The following VCAM1 variants were observed in gnomAD, a reference collection of about 807,000 sequenced individuals.
VCAM1 encodes the protein vascular cell adhesion protein 1.
In VCAM1, 41 loss-of-function variants were observed where a neutral mutation model predicts 63.8. The observed-to-expected ratio is 0.64, with a 90% confidence interval of 0.50 to 0.83. VCAM1 has a LOEUF of 0.83. VCAM1 is among the 40% of genes least tolerant of loss of function. The pLI is 0.00. For missense variants in VCAM1, 798 were observed against 875.5 expected (o/e 0.91, Z 1.12); for synonymous variants, 338 against 320.7 (o/e 1.05, Z -0.58).
At position 100,732,570 on chromosome 1, in the gene VCAM1, G is replaced by A; in HGVS notation, c.1678G>A (p.Glu560Lys). The change falls in exon 7 of 9, where the codon GAG becomes AAG. Residue 560 changes from glutamate to lysine, a missense_variant. Physicochemically the swap from Glu to Lys is moderately conservative, Grantham distance 56. Coordinates refer to ENST00000294728, the MANE Select transcript of VCAM1 (RefSeq NM_001078.4). ...LPNGELQPLS[E>K]NATLTLISTK... ...TAACGGGGAGCTACAGCCTCTTTCTGAGAATGCAACTCTCACCTTAATTTC... is the reference window on the plus strand; with the variant it reads ...TAACGGGGAGCTACAGCCTCTTTCTAAGAATGCAACTCTCACCTTAATTTC... The A allele has an allele frequency of 6.2e-7, 1 of 1,613,426 alleles. No homozygotes were observed. Among genetic ancestry groups the A allele is most frequent in the Non-Finnish European group, 8.5e-7 (1 of 1,179,726 alleles).
chr1:100,734,825 A>C (rs1660592199), intron 8 of VCAM1, 57 bp downstream of exon 8: 1 of 1,563,952 alleles, frequency 6.4e-7, no homozygotes, highest in Non-Finnish European at 8.6e-7. Context: ...TCCAAGGATT[A>C]CTAAGAGTTT....
At chr1:100,732,063 G>A (rs1204775681) in intron 6 of VCAM1, among the ~76,000 whole-genome samples, 1 of 152,134 alleles carries the variant, frequency 6.6e-6, no homozygotes, top group Non-Finnish European at 1.5e-5. Flanking sequence ...AGAGATTCAA[G>A]GGGTGGAAAA....
chr1:100,738,354 T>C lies in VCAM1; in HGVS notation c.*71T>C. The C allele has an allele frequency of 2.0e-6, 3 of 1,491,584 alleles. No homozygotes were observed. In the Admixed American group the frequency reaches 6.2e-5, roughly 31 times the overall value. The allele number at this position is 1,491,584 out of a possible 1,614,324, so 92.4% of individuals were successfully genotyped here. On this transcript the variant is annotated 3_prime_UTR_variant, in exon 9 of 9. Transcript: ENST00000294728. Reference sequence around the variant, plus strand: ...ATCCTTGATACTGCTCATCATTCCTTGAGAAAAACAATGAGCTGAGAGGCA... The same window carrying C: ...ATCCTTGATACTGCTCATCATTCCTCGAGAAAAACAATGAGCTGAGAGGCA...
rs1358677281 is a variant in VCAM1, at chr1:100,736,199, G to A, written c.2059+1431G>A. The A allele has an allele frequency of 2.0e-5, 3 of 152,070 alleles. No homozygotes were observed. The East Asian group carries it at 5.8e-4, about 29-fold the overall frequency. The allele number at this position is 152,070 out of a possible 1,614,324, so 9.4% of individuals were successfully genotyped here. ...ATTTTCTAATTGCTTTATCAAATTA[G>A]CCACTTACACAGTTGCTACTTTTTA... On this transcript the variant is annotated intron_variant, in intron 8 of 8. Transcript: ENST00000294728.
chr1:100,728,956 T>C (rs1571457951), intron 4 of VCAM1, 151 bp from the exon 5 acceptor site: 3 of 866,810 alleles, frequency 3.5e-6, no homozygotes, highest in East Asian at 3.0e-5. Flanking sequence ...GGCTCATTTC[T>C]GATGGTCCCA....
chr1:100,733,717 A>G (rs2100834110), intron 7 of VCAM1, among the ~76,000 whole-genome samples: 1 of 152,328 alleles, frequency 6.6e-6, no homozygotes, highest in African/African-American at 2.4e-5. Context: ...TAGTATTGTT[A>G]AGGATAGTGA....
intron 8 of VCAM1, chr1:100,736,758 A>G (rs971078700): frequency 2.0e-5 from 3 of 152,162 alleles, no homozygotes; most frequent in Admixed American, 6.5e-5. Context: ...GACAATTATC[A>G]TTATGCTTAG....
chr1:100,735,727 A>ATT (rs1660627356), intron 8 of VCAM1: 2 of 152,226 alleles, frequency 1.3e-5, no homozygotes, highest in African/African-American at 4.8e-5. Flanking sequence ...TCAAAACATG[A>ATT]GAATAGCTGT....
chr1:100,727,878 G>C (rs1660230875), intron 4 of VCAM1, among the ~76,000 whole-genome samples: 1 of 152,026 alleles, frequency 6.6e-6, no homozygotes, highest in African/African-American at 2.4e-5. Flanking sequence ...GTCATAATTA[G>C]ACAAACCTAT....
intron 3 of VCAM1, among the ~76,000 whole-genome samples, chr1:100,724,112 T>C (rs1284508418): frequency 6.6e-6 from 1 of 152,076 alleles, no homozygotes; most frequent in African/African-American, 2.4e-5. Flanking sequence ...AATTAAGCAT[T>C]TGAAAGACAG....
At chr1:100,725,643 A>G (rs1003212237) in intron 4 of VCAM1, among the ~76,000 whole-genome samples, 2 of 152,118 alleles carry the variant, frequency 1.3e-5, no homozygotes, top group Non-Finnish European at 2.9e-5. Context: ...CAGGCTCAGC[A>G]TAGTTCATAC....
rs530236545 is a variant in VCAM1 at position 100,733,877 on chromosome 1, C to G, written c.1793-625C>G. ...TATTTCACATCTGAATTCTATAGCT[C>G]TTTATCAAACACTGTATTTGTCAAT... On this transcript the variant is annotated intron_variant, in intron 7 of 8. Coordinates refer to ENST00000294728, the MANE Select transcript of VCAM1 (RefSeq NM_001078.4). 2.0e-5 allele frequency among the ~76,000 whole-genome samples: 3 copies of G among 152,284 alleles called. No homozygotes were observed. The East Asian group carries it at 5.8e-4, about 29-fold the overall frequency.
At chr1:100,732,902 A>G (rs1328650449) in intron 7 of VCAM1, among the ~76,000 whole-genome samples, 2 of 152,210 alleles carry the variant, frequency 1.3e-5, no homozygotes, top group Non-Finnish European at 2.9e-5. Flanking sequence ...TTTAAACTCA[A>G]GTGAAATGCA....
At chr1:100,729,408 T>TC (rs749729449) in intron 5 of VCAM1, 26 bp downstream of exon 5, 1 of 1,444,924 alleles carries the variant, frequency 6.9e-7, no homozygotes, top group East Asian at 2.5e-5. Context: ...AATTGTTTAC[T>TC]GTTTTTTTTT....
chr1:100,734,590 T>A lies in VCAM1; in HGVS notation c.1881T>A (p.Asn627Lys), dbSNP rs183791313. ...DTVIISCTCG[N>K]VPETWIILKK... ...TCATCATCTCTTGTACATGTGGAAATGTTCCAGAAACATGGATAATCCTGA... is the reference window on the plus strand; with the variant it reads ...TCATCATCTCTTGTACATGTGGAAAAGTTCCAGAAACATGGATAATCCTGA... Residue 627 changes from asparagine (N) to lysine (K), a missense_variant, in exon 8 of 9, where the codon AAT (asparagine) becomes AAA (lysine). Physicochemically the swap from Asn to Lys is moderately conservative, Grantham distance 94. Transcript: ENST00000294728. 5.3e-4 allele frequency: 859 copies of A among 1,613,916 alleles called. No homozygotes were observed. Among genetic ancestry groups the A allele is most frequent in the Non-Finnish European group, 6.9e-4 (814 of 1,179,886 alleles).
In VCAM1 at chr1:100,723,117, C is replaced by T. The variant is rs1236829287; in HGVS notation, c.438C>T (p.Asp146=). ...KCSVADVYPF[D]RLEIDLLKGD... is the part of the protein sequence containing the mutation. ...CAGTTGCTGATGTATACCCATTTGA[C>T]AGGCTGGAGATAGACTTACTGAAAG... is the stretch of plus-strand genomic sequence containing the variant. The change falls in exon 3 of 9, where the codon GAC becomes GAT. Residue 146 remains aspartate (D), a synonymous_variant. Coordinates refer to ENST00000294728, the MANE Select transcript of VCAM1 (RefSeq NM_001078.4). 6.2e-7 allele frequency: 1 copy of T among 1,613,058 alleles called. No individual in the cohort carries two copies. Among genetic ancestry groups the T allele is most frequent in the South Asian group, 1.1e-5 (1 of 91,060 alleles).
In VCAM1 at chr1:100,734,714, G is replaced by C; in HGVS notation, c.2005G>C (p.Glu669Gln). The C allele has an allele frequency of 3.7e-6, 6 of 1,613,898 alleles. No homozygotes were observed. Among genetic ancestry groups the C allele is most frequent in the Non-Finnish European group, 5.1e-6 (6 of 1,179,854 alleles). ...QLKDAGVYEC[E>Q]SKNKVGSQLR... is the part of the protein sequence containing the mutation. The stretch of plus-strand genomic sequence containing the variant: ...GAAGGATGCGGGAGTATATGAATGT[G>C]AATCTAAAAACAAAGTTGGCTCACA... Residue 669 changes from glutamate to glutamine, a missense_variant, in exon 8 of 9, where the codon GAA (glutamate) becomes CAA (glutamine). Transcript: ENST00000294728.
In VCAM1 at chr1:100,734,663, G is replaced by A. The variant is rs200910233; in HGVS notation, c.1954G>A (p.Ala652Thr). Reference protein sequence around the residue: ...GDTVLKSIDGAYTIRKAQLKD... With the variant: ...GDTVLKSIDGTYTIRKAQLKD... Reference sequence around the variant, plus strand: ...CACAGTACTAAAATCTATAGATGGCGCCTATACCATCCGAAAGGCCCAGTT... The same window carrying A: ...CACAGTACTAAAATCTATAGATGGCACCTATACCATCCGAAAGGCCCAGTT... The change falls in exon 8 of 9, where the codon GCC (alanine) becomes ACC (threonine). Residue 652 changes from alanine (A) to threonine (T), a missense_variant. Ala to Thr is a moderately conservative substitution (Grantham distance 58). Transcript: ENST00000294728. 155 of 1,613,832 alleles carry A rather than the reference G, an allele frequency of 9.6e-5. No homozygotes were observed. The highest frequency in any genetic ancestry group is 1.2e-4 in the Non-Finnish European group (144 of 1,179,916).
intron 4 of VCAM1, among the ~76,000 whole-genome samples, chr1:100,727,305 G>A (rs1660201997): frequency 6.6e-6 from 1 of 151,854 alleles, no homozygotes; most frequent in South Asian, 2.1e-4. Context: ...ACTACACCCA[G>A]CTCAACACAA....
Sources: allele counts gnomAD v4.1 joint callset (sites outside exome capture counted in the v4.1 genomes callset), GRCh38; gene constraint gnomAD v4.1.1; transcripts MANE v1.5; gene names NCBI Gene and HGNC (gene_info 2026-07-23, HGNC 2026-07-21).